Variants in TMEM163 observed in about 807,000 individuals in gnomAD.
TMEM163 encodes transmembrane protein 163.
A neutral mutation model predicts 29.3 loss-of-function variants in TMEM163; 17 were observed. The observed-to-expected ratio is 0.58, with a 90% confidence interval of 0.40 to 0.87. The LOEUF is 0.87. TMEM163 is among the 40% of genes least tolerant of loss of function. TMEM163 has a pLI of 0.00. For synonymous variants in TMEM163, 157 were observed against 160.6 expected (o/e 0.98, Z 0.17); for missense variants, 303 against 381.5 (o/e 0.79, Z 1.71).
rs545235346 is a variant in TMEM163, at chr2:134,542,130, T to G, written c.458+8440A>C. Among the ~76,000 whole-genome samples, 16 of 152,380 alleles carry G rather than the reference T, an allele frequency of 1.1e-4. No individual in the cohort carries two copies. The South Asian group carries it at 3.3e-3, about 32-fold the overall frequency. ...TTATTACAAATTCTTTTATTCCATGTTCTTGAAAAGCAAAACAAAACGCGA... is the reference window on the plus strand; with the variant it reads ...TTATTACAAATTCTTTTATTCCATGGTCTTGAAAAGCAAAACAAAACGCGA... On this transcript the variant is annotated intron_variant, in intron 4 of 7. Coordinates refer to ENST00000281924, the MANE Select transcript of TMEM163 (RefSeq NM_030923.5).
At chr2:134,716,928 TC>T (rs1381482471) in intron 1 of TMEM163, among the ~76,000 whole-genome samples, 1 of 152,194 alleles carries the variant, frequency 6.6e-6, no homozygotes, top group Non-Finnish European at 1.5e-5. Context: ...ATAGGGTTCA[TC>T]CTAACAGAGA....
chr2:134,679,679 T>A (rs773163677), intron 2 of TMEM163, among the ~76,000 whole-genome samples: 2 of 152,182 alleles, frequency 1.3e-5, no homozygotes, highest in Non-Finnish European at 2.9e-5. Flanking sequence ...GGACTTAAGA[T>A]AGGGATAACT....
chr2:134,488,616 T>C (rs776569020), intron 5 of TMEM163, among the ~76,000 whole-genome samples: 37 of 152,298 alleles, frequency 2.4e-4, no homozygotes, highest in Middle Eastern at 3.4e-3. Flanking sequence ...AGATGGCCTA[T>C]TGTGGGACTT....
intron 2 of TMEM163, among the ~76,000 whole-genome samples, chr2:134,588,866 G>A (rs558589239): frequency 8.5e-5 from 13 of 152,246 alleles, no homozygotes; most frequent in East Asian, 1.9e-4. Flanking sequence ...GAGGCCATTC[G>A]GTGGGGAGGA....
chr2:134,495,838 A>G (rs1402583098), intron 5 of TMEM163, among the ~76,000 whole-genome samples: 2 of 152,204 alleles, frequency 1.3e-5, no homozygotes, highest in Non-Finnish European at 2.9e-5. Flanking sequence ...GCTTTAATCC[A>G]TACAAAAAAA....
chr2:134,588,605 T>G (rs992331699), intron 2 of TMEM163, among the ~76,000 whole-genome samples: 19 of 152,250 alleles, frequency 1.2e-4, no homozygotes, highest in Middle Eastern at 3.4e-3. Context: ...GGGACAGTCT[T>G]GCATTCACAC....
chr2:134,690,855 C>T (rs1037851307), intron 2 of TMEM163, among the ~76,000 whole-genome samples: 1 of 152,150 alleles, frequency 6.6e-6, no homozygotes, highest in Non-Finnish European at 1.5e-5. Flanking sequence ...ATCAGTGAAA[C>T]GGAAATACAC....
At chr2:134,570,890 GATTCTGACATC>G (rs1164503377) in intron 2 of TMEM163, among the ~76,000 whole-genome samples, 1 of 152,172 alleles carries the variant, frequency 6.6e-6, no homozygotes, top group Non-Finnish European at 1.5e-5. Flanking sequence ...AGTGAAACAG[GATTCTGACATC>G]ATTCGACCCC....
chr2:134,689,611 G>A (rs920474476), intron 2 of TMEM163, among the ~76,000 whole-genome samples: 4 of 152,164 alleles, frequency 2.6e-5, no homozygotes, highest in African/African-American at 9.7e-5. Context: ...CTGCTTCAGG[G>A]ATGGGGCTTC....
At chr2:134,487,596 C>T (rs1679342000) in intron 5 of TMEM163, among the ~76,000 whole-genome samples, 1 of 152,142 alleles carries the variant, frequency 6.6e-6, no homozygotes, top group Admixed American at 6.5e-5. Context: ...TAGTCAAAAC[C>T]ACTTTGAAAA....
At chr2:134,591,533 T>C (rs547252090) in intron 2 of TMEM163, among the ~76,000 whole-genome samples, 44 of 152,302 alleles carry the variant, frequency 2.9e-4, no homozygotes, top group African/African-American at 8.4e-4. Flanking sequence ...GCCCAGTAGG[T>C]TTCAGCCTCA....
intron 2 of TMEM163, among the ~76,000 whole-genome samples, chr2:134,578,753 A>AGTGT (rs146812904): frequency 6.6e-6 from 1 of 151,844 alleles, no homozygotes; most frequent in African/African-American, 2.4e-5. Context: ...AACTGGTTTG[A>AGTGT]GTGTGTGTGT....
intron 2 of TMEM163, among the ~76,000 whole-genome samples, chr2:134,700,942 A>ATAAATAAATACT (rs61311028): frequency 8.4e-6 from 1 of 119,304 alleles, no homozygotes; most frequent in South Asian, 2.4e-4. Context: ...AAATAAATAA[A>ATAAATAAATACT]TAAATAAAGT....
Position 134,467,331 on chromosome 2 carries a change from CAG to C in TMEM163, c.556-1108_556-1107del, listed in dbSNP as rs1226066072. Reference sequence around the variant, plus strand: ...GGACTTAACAGACTCAAATCTAACACAGAGTAGAGAAAGGGAAAAACAGTAGC... The same window carrying C: ...GGACTTAACAGACTCAAATCTAACACAGTAGAGAAAGGGAAAAACAGTAGC... On this transcript the variant is annotated intron_variant, in intron 5 of 7. Coordinates refer to ENST00000281924, the MANE Select transcript of TMEM163 (RefSeq NM_030923.5). 2.0e-5 allele frequency: 3 copies of C among 151,784 alleles called. No individual in the cohort carries two copies. The East Asian group carries it at 5.8e-4, about 29-fold the overall frequency. 9.4% of individuals were successfully genotyped at this position (151,784 alleles called of 1,614,324 possible). A position where few individuals can be genotyped will look rare whatever the true frequency, so the allele number is the denominator to read the frequency against.
At chr2:134,651,190 T>C in intron 2 of TMEM163, among the ~76,000 whole-genome samples, 1 of 73,544 alleles carries the variant, frequency 1.4e-5, no homozygotes, top group African/African-American at 9.2e-5. Context: ...TTTCTCCACA[T>C]CCTCTCCAGC....
At chr2:134,690,635 A>G (rs1191534177) in intron 2 of TMEM163, among the ~76,000 whole-genome samples, 1 of 152,202 alleles carries the variant, frequency 6.6e-6, no homozygotes, top group Non-Finnish European at 1.5e-5. Context: ...TGAAGGATGG[A>G]TTTCATTTAC....
chr2:134,525,552 A>T (rs956805863), intron 4 of TMEM163, among the ~76,000 whole-genome samples: 3 of 152,224 alleles, frequency 2.0e-5, no homozygotes, highest in Non-Finnish European at 4.4e-5. Flanking sequence ...TTGTGACATT[A>T]TAAGTGTTGT....
intron 4 of TMEM163, among the ~76,000 whole-genome samples, chr2:134,527,622 G>A (rs541013564): frequency 7.0e-4 from 106 of 152,232 alleles, no homozygotes; most frequent in Middle Eastern, 3.4e-3. Context: ...TCCACTTCCC[G>A]CTCTCCCGGG....
intron 2 of TMEM163, among the ~76,000 whole-genome samples, chr2:134,568,727 C>CAAAG (rs1163454261): frequency 6.6e-6 from 1 of 151,032 alleles, no homozygotes; most frequent in Non-Finnish European, 1.5e-5. Context: ...AACAAAGAAA[C>CAAAG]AAAGAAAGAA....
Sources: allele counts gnomAD v4.1 joint callset (sites outside exome capture counted in the v4.1 genomes callset), GRCh38; gene constraint gnomAD v4.1.1; transcripts MANE v1.5; gene names NCBI Gene and HGNC (gene_info 2026-07-23, HGNC 2026-07-21).